Variants in CBX1 observed in about 807,000 individuals in gnomAD.
The protein encoded by CBX1 is chromobox 1.
Under a neutral mutation model 25.1 loss-of-function variants are expected in CBX1, and 10 were observed. The observed-to-expected ratio is 0.40, with a 90% CI of 0.25 to 0.68. The LOEUF (loss-of-function observed/expected upper bound fraction) is 0.68. Ranked by LOEUF, CBX1 falls within the 30% of genes least tolerant of loss-of-function variation. The probability of loss-of-function intolerance (pLI) is 0.40; values close to 1 mark genes in which losing one functional copy is unlikely to be tolerated. For synonymous variants in CBX1, 63 were observed against 79.4 expected (o/e 0.79, Z 1.10); for missense variants, 106 against 218.5 (o/e 0.49, Z 3.25).
intron 1 of CBX1, among the ~76,000 whole-genome samples, chr17:48,085,883 G>T (rs1404261523): frequency 2.0e-5 from 3 of 151,986 alleles, no homozygotes; most frequent in Non-Finnish European, 2.9e-5. Flanking sequence ...CCTGGCCAAC[G>T]TGGCGAAACC....
intron 1 of CBX1, among the ~76,000 whole-genome samples, chr17:48,091,517 G>A (rs1305515417): frequency 2.7e-5 from 4 of 148,986 alleles, no homozygotes; most frequent in Non-Finnish European, 1.5e-5. Flanking sequence ...TGGGATTACA[G>A]GTGCCCGCCA....
intron 1 of CBX1, among the ~76,000 whole-genome samples, chr17:48,087,863 A>G (rs2063321349): frequency 7.7e-6 from 1 of 129,806 alleles, no homozygotes; most frequent in Non-Finnish European, 1.6e-5. Context: ...ACAGAGCGAG[A>G]CTCAGTCTCA....
intron 1 of CBX1, among the ~76,000 whole-genome samples, chr17:48,093,460 G>C (rs559083068): frequency 1.3e-5 from 2 of 152,144 alleles, no homozygotes; most frequent in Admixed American, 6.6e-5. Context: ...AAGAACTGGC[G>C]AGGGCATCAG....
chr17:48,093,861 T>C lies in CBX1; in HGVS notation c.-38+7407A>G, dbSNP rs1021659945. Among the ~76,000 whole-genome samples, 13 of 152,060 alleles carry C rather than the reference T, an allele frequency of 8.5e-5. No individual in the cohort carries two copies. The East Asian group carries it at 2.3e-3, about 27-fold the overall frequency. Reference sequence around the variant, plus strand: ...TAGGCCCGGCATGGTGACTCACGCCTGTAATCCCAGCACTATGGGAGGCTG... The same window carrying C: ...TAGGCCCGGCATGGTGACTCACGCCCGTAATCCCAGCACTATGGGAGGCTG... On this transcript the variant is annotated intron_variant, in intron 1 of 4. Transcript: ENST00000225603.
chr17:48,072,365 A>G (rs1262864266), intron 4 of CBX1, among the ~76,000 whole-genome samples: 1 of 152,194 alleles, frequency 6.6e-6, no homozygotes, highest in African/African-American at 2.4e-5. Flanking sequence ...GAAGATGGAC[A>G]CTTTTTGCAT....
intron 1 of CBX1, among the ~76,000 whole-genome samples, chr17:48,097,077 C>T (rs1448224048): frequency 1.3e-5 from 2 of 151,584 alleles, no homozygotes; most frequent in South Asian, 2.1e-4. Context: ...TGATGAAACC[C>T]CATCTCTACT....
intron 1 of CBX1, among the ~76,000 whole-genome samples, chr17:48,084,202 CTTTTTTTTTTTTTTTTT>C (rs869263376): frequency 3.3e-5 from 2 of 61,378 alleles, no homozygotes; most frequent in African/African-American, 8.0e-5. Context: ...TCTTTCTTTC[CTTTTTTTTTTTTTTTTT>C]TTTTTTTTTT....
intron 1 of CBX1, among the ~76,000 whole-genome samples, chr17:48,093,085 AAAAAGAAAAG>A (rs1261698998): frequency 1.1e-5 from 1 of 93,866 alleles, no homozygotes; most frequent in African/African-American, 3.6e-5. Context: ...AAAAAAAAAA[AAAAAGAAAAG>A]AAAAGAAAAG....
chr17:48,080,650 C>T (rs754624511), intron 1 of CBX1, among the ~76,000 whole-genome samples: 4 of 151,426 alleles, frequency 2.6e-5, no homozygotes, highest in African/African-American at 4.8e-5. Context: ...AGGCTGGGTG[C>T]GGTGGTTCAC....
intron 4 of CBX1, among the ~76,000 whole-genome samples, chr17:48,074,358 GA>G (rs2037654891): frequency 6.6e-6 from 1 of 152,174 alleles, no homozygotes; most frequent in African/African-American, 2.4e-5. Flanking sequence ...CAAGAAATAG[GA>G]AGAATGGCCT....
chr17:48,090,283 T>C (rs1211844577), intron 1 of CBX1, among the ~76,000 whole-genome samples: 3 of 152,162 alleles, frequency 2.0e-5, no homozygotes, highest in African/African-American at 2.4e-5. Flanking sequence ...GTAAAGTTCC[T>C]TAAGAAACTT....
At chr17:48,073,328 C>T (rs893021541) in intron 4 of CBX1, among the ~76,000 whole-genome samples, 6 of 151,928 alleles carry the variant, frequency 3.9e-5, no homozygotes, top group African/African-American at 1.5e-4. Context: ...GAACAATGGA[C>T]CCAAGAGAAT....
At chr17:48,097,430 C>G (rs967238311) in intron 1 of CBX1, among the ~76,000 whole-genome samples, 4 of 152,030 alleles carry the variant, frequency 2.6e-5, no homozygotes, top group Admixed American at 1.3e-4. Context: ...GCCTGGCCAA[C>G]ATGGCAAGAC....
intron 1 of CBX1, among the ~76,000 whole-genome samples, chr17:48,080,688 T>C (rs12949879): frequency 0.28 from 41,512 of 150,732 alleles, 6,476 homozygotes; most frequent in African/African-American, 0.44. Context: ...TTTGGGAGAC[T>C]GAGGCAGGCA....
chr17:48,098,634 A>C (rs2063389270), intron 1 of CBX1, among the ~76,000 whole-genome samples: 1 of 152,118 alleles, frequency 6.6e-6, no homozygotes, highest in South Asian at 2.1e-4. Flanking sequence ...AGTAGCTGGG[A>C]TTACAGGTGT....
At chr17:48,082,293 G>T (rs1006691759) in intron 1 of CBX1, among the ~76,000 whole-genome samples, 1 of 151,880 alleles carries the variant, frequency 6.6e-6, no homozygotes, top group Non-Finnish European at 1.5e-5. Context: ...ACGAGGTCAG[G>T]AGATCGAGCC....
chr17:48,094,568 T>G (rs2063362065), intron 1 of CBX1, among the ~76,000 whole-genome samples: 1 of 151,218 alleles, frequency 6.6e-6, no homozygotes, highest in Admixed American at 6.6e-5. Flanking sequence ...CCGTGTCTAC[T>G]AAAAATACAA....
chr17:48,097,372 TG>T (rs1235734392), intron 1 of CBX1, among the ~76,000 whole-genome samples: 2 of 152,106 alleles, frequency 1.3e-5, no homozygotes, highest in Non-Finnish European at 2.9e-5. Context: ...CCCAACACTT[TG>T]GGTGGCCGAG....
intron 1 of CBX1, chr17:48,100,816 G>A: frequency 1.0e-6 from 1 of 985,576 alleles, no homozygotes; most frequent in Non-Finnish European, 1.2e-6. Flanking sequence ...GTCCTGCAAA[G>A]CCAGGTTCCT....
Sources: allele counts gnomAD v4.1 joint callset (sites outside exome capture counted in the v4.1 genomes callset), GRCh38; gene constraint gnomAD v4.1.1; transcripts MANE v1.5; gene names NCBI Gene and HGNC (gene_info 2026-07-23, HGNC 2026-07-21).